The following PVALB variants were observed in gnomAD, a reference collection of about 807,000 sequenced individuals.
PVALB encodes the protein parvalbumin alpha.
A neutral mutation model predicts 10.9 loss-of-function variants in PVALB; 11 were observed. That is an observed-to-expected ratio of 1.01 (90% confidence interval 0.63 to 1.67). PVALB has a LOEUF of 1.67. Ranked by LOEUF, PVALB falls within the 40% of genes most tolerant of loss-of-function variation. The pLI, the probability that PVALB is intolerant of heterozygous loss-of-function variation, is 0.00. For missense variants in PVALB, 131 were observed against 136.2 expected (o/e 0.96, Z 0.19); for synonymous variants, 57 against 50.7 (o/e 1.12, Z -0.53).
At chr22:36,815,077 G>A (rs1445877235) in intron 2 of PVALB, 26 bp downstream of exon 2, 1 of 1,613,404 alleles carries the variant, frequency 6.2e-7, no homozygotes, top group South Asian at 1.1e-5. Context: ...CCGTGGGCTG[G>A]GCAGCCCCTG....
intron 3 of PVALB, among the ~76,000 whole-genome samples, chr22:36,802,831 G>C (rs1323741659): frequency 6.6e-6 from 1 of 151,964 alleles, no homozygotes; most frequent in Non-Finnish European, 1.5e-5. Flanking sequence ...AAATCTCCAG[G>C]CTCTCTGGCT....
intron 2 of PVALB, 131 bp from the exon 3 acceptor site, chr22:36,813,886 G>T (rs1028108808): frequency 1.9e-4 from 135 of 718,862 alleles, no homozygotes; most frequent in Non-Finnish European, 4.0e-5. Flanking sequence ...CAGCAGTCAC[G>T]CACACGGATG....
upstream of PVALB, among the ~76,000 whole-genome samples, chr22:36,819,122 C>G (rs1011557897): frequency 6.6e-6 from 1 of 152,194 alleles, no homozygotes; most frequent in Non-Finnish European, 1.5e-5. Context: ...CCTCTGGGTC[C>G]TCTCTGATGG....
chr22:36,815,416 G>T, intron 1 of PVALB, 181 bp from the exon 2 acceptor site: 1 of 796,124 alleles, frequency 1.3e-6, no homozygotes, highest in Admixed American at 2.7e-5. Flanking sequence ...CCTGTCCAAG[G>T]TCACAAGGCT....
chr22:36,805,314 A>T (rs947413631), intron 3 of PVALB, among the ~76,000 whole-genome samples: 2 of 152,002 alleles, frequency 1.3e-5, no homozygotes, highest in African/African-American at 4.8e-5. Context: ...AGGAGCCAGC[A>T]CTAAAGCTCT....
At chr22:36,815,372 G>A (rs1482674576) in intron 1 of PVALB, 137 bp from the exon 2 acceptor site, 3 of 1,205,286 alleles carry the variant, frequency 2.5e-6, no homozygotes, top group Non-Finnish European at 3.5e-6. Context: ...CACCTCCATT[G>A]GAGGGCTGAG....
intron 1 of PVALB, 133 bp from the exon 2 acceptor site, chr22:36,815,368 C>T (rs912766345): frequency 1.6e-6 from 2 of 1,253,654 alleles, no homozygotes; most frequent in East Asian, 2.4e-5. Flanking sequence ...TACCCACCTC[C>T]ATTGGAGGGC....
Position 36,817,002 on chromosome 22 carries a change from A to C in PVALB, c.4T>G (p.Ser2Ala). 1 of 1,609,354 alleles carries C rather than the reference A, an allele frequency of 6.2e-7. No individual in the cohort carries two copies. Among genetic ancestry groups the C allele is most frequent in the Non-Finnish European group, 8.5e-7 (1 of 1,178,434 alleles). The stretch of plus-strand genomic sequence containing the variant: ...TCAGCGTTCAGCAAGTCTGTCATCG[A>C]CATCCTGCAACTGTTTGAGCGGGCA... The part of the protein sequence containing the change: M[S>A]MTDLLNAEDI... The change falls in exon 1 of 4, where the codon TCG (serine) becomes GCG (alanine). Residue 2 changes from serine to alanine, a missense_variant. Ser to Ala is a moderately conservative substitution (Grantham distance 99). Coordinates refer to ENST00000417718, the MANE Select transcript of PVALB (RefSeq NM_001315532.2).
chr22:36,817,065 C>T, upstream of PVALB: 1 of 1,489,616 alleles, frequency 6.7e-7, no homozygotes. Context: ...CTTTTCTCAT[C>T]ATTTCTGCTC....
chr22:36,813,252 G>T (rs4820255), intron 3 of PVALB, among the ~76,000 whole-genome samples: 1 of 152,082 alleles, frequency 6.6e-6, no homozygotes, highest in Non-Finnish European at 1.5e-5. Flanking sequence ...GCCTCATTTC[G>T]TTGGATTAGA....
chr22:36,802,866 T>A (rs1251531264), intron 3 of PVALB, among the ~76,000 whole-genome samples: 1 of 152,084 alleles, frequency 6.6e-6, no homozygotes, highest in Non-Finnish European at 1.5e-5. Flanking sequence ...GTGCCAAGGA[T>A]GGAGTCTCAA....
upstream of PVALB, chr22:36,817,506 C>G (rs1939164980): frequency 6.5e-6 from 1 of 152,918 alleles, no homozygotes; most frequent in Admixed American, 6.5e-5. Flanking sequence ...TCCACTCCTA[C>G]CTCAGCCTCT....
intron 3 of PVALB, among the ~76,000 whole-genome samples, chr22:36,802,012 C>T (rs1032788344): frequency 1.3e-5 from 2 of 151,948 alleles, no homozygotes; most frequent in African/African-American, 4.8e-5. Flanking sequence ...AAAAACTGGT[C>T]GTGAAATGGC....
At chr22:36,803,731 G>A (rs1210066458) in intron 3 of PVALB, among the ~76,000 whole-genome samples, 1 of 151,770 alleles carries the variant, frequency 6.6e-6, no homozygotes, top group Non-Finnish European at 1.5e-5. Context: ...TTGGGTGGGT[G>A]GATGGGATAG....
rs1343922986 is a variant in PVALB, at chr22:36,815,238, G to A, written c.62-3C>T. On this transcript the variant is annotated splice_region_variant and splice_polypyrimidine_tract_variant and intron_variant, in intron 1 of 3. Coordinates refer to ENST00000417718, the MANE Select transcript of PVALB (RefSeq NM_001315532.2). ...TTTGTGGTCGAAGGAGTCGGTAGCT[G>A]TGGGGGGAAGAGCAGGGTCAAACAA... The A allele has an allele frequency of 6.2e-7, 1 of 1,614,074 alleles. No homozygotes were observed. Among genetic ancestry groups the A allele is most frequent in the Non-Finnish European group, 8.5e-7 (1 of 1,180,006 alleles).
chr22:36,815,035 T>TA (rs1939114841), intron 2 of PVALB, 68 bp downstream of exon 2: 7 of 1,586,588 alleles, frequency 4.4e-6, no homozygotes, highest in Non-Finnish European at 5.2e-6. Context: ...ACTTGGAAGC[T>TA]AGAGTCCCAG....
intron 3 of PVALB, among the ~76,000 whole-genome samples, chr22:36,807,351 C>A (rs1368984066): frequency 2.6e-5 from 4 of 152,202 alleles, no homozygotes; most frequent in Admixed American, 6.5e-5. Context: ...AAGCATCGTG[C>A]ACCTTAGGGC....
At chr22:36,811,658 A>T (rs1483703047) in intron 3 of PVALB, 2 of 413,770 alleles carry the variant, frequency 4.8e-6, no homozygotes, top group Non-Finnish European at 9.8e-6. Flanking sequence ...AGCCATGAAG[A>T]CCCAGCCCAG....
Position 36,800,845 on chromosome 22 carries a change from G to A in PVALB, c.*45C>T, listed in dbSNP as rs773350258. The A allele has an allele frequency of 1.1e-5, 17 of 1,566,592 alleles. No homozygotes were observed. The Admixed American group carries it at 2.7e-4, about 25-fold the overall frequency. On this transcript the variant is annotated 3_prime_UTR_variant, in exon 4 of 4. Coordinates refer to ENST00000417718, the MANE Select transcript of PVALB (RefSeq NM_001315532.2). ...GGGTGGCGAGAGGGGCCGAGATTGG[G>A]TGTTCAGGGCAGAGAGGTGGAAGAC...
Sources: allele counts gnomAD v4.1 joint callset (sites outside exome capture counted in the v4.1 genomes callset), GRCh38; gene constraint gnomAD v4.1.1; transcripts MANE v1.5; gene names NCBI Gene and HGNC (gene_info 2026-07-23, HGNC 2026-07-21).